Variants in CDH8 observed in about 807,000 individuals in gnomAD.
The protein encoded by CDH8 is cadherin-8.
Under a neutral mutation model 68.1 loss-of-function variants are expected in CDH8, and 17 were observed. The observed-to-expected ratio is 0.25, with a 90% CI of 0.17 to 0.37. The LOEUF is 0.37. CDH8 is among the 10% of genes least tolerant of loss of function. The pLI is 1.00. For synonymous variants in CDH8, 372 were observed against 365.1 expected, an observed-to-expected ratio of 1.02 and a Z score of -0.21; for missense variants, 763 against 999.3, an observed-to-expected ratio of 0.76 and a Z score of 3.19.
chr16:61,916,781 A>G (rs527994082), intron 2 of CDH8, among the ~76,000 whole-genome samples: 26 of 152,126 alleles, frequency 1.7e-4, no homozygotes, highest in Non-Finnish European at 3.8e-4. Flanking sequence ...TTAGTTATTT[A>G]CTTTCAATAT....
chr16:61,850,224 T>C (rs1302359095), intron 4 of CDH8, among the ~76,000 whole-genome samples: 1 of 151,988 alleles, frequency 6.6e-6, no homozygotes, highest in Non-Finnish European at 1.5e-5. Flanking sequence ...GCATGTCACA[T>C]GGCAAGACAG....
chr16:61,741,653 T>C (rs567140382), intron 8 of CDH8, among the ~76,000 whole-genome samples: 2 of 152,274 alleles, frequency 1.3e-5, no homozygotes, highest in Non-Finnish European at 2.9e-5. Context: ...TTTGTTATAA[T>C]TCAGTTGAGC....
At chr16:61,869,992 T>C (rs1963326825) in intron 3 of CDH8, among the ~76,000 whole-genome samples, 1 of 152,226 alleles carries the variant, frequency 6.6e-6, no homozygotes, top group South Asian at 2.1e-4. Flanking sequence ...CATTTTTCTT[T>C]TTAACATTTG....
At chr16:61,951,970 T>A (rs2143590655) in intron 2 of CDH8, among the ~76,000 whole-genome samples, 1 of 152,276 alleles carries the variant, frequency 6.6e-6, no homozygotes, top group East Asian at 1.9e-4. Flanking sequence ...AATAGAAAAC[T>A]TTGATGTGGA....
At chr16:61,929,819 G>A (rs1964512063) in intron 2 of CDH8, among the ~76,000 whole-genome samples, 1 of 152,142 alleles carries the variant, frequency 6.6e-6, no homozygotes, top group East Asian at 1.9e-4. Context: ...GAGCCCAGGA[G>A]TTAGAGGCTG....
At chr16:61,804,283 A>T (rs1437633550) in intron 7 of CDH8, among the ~76,000 whole-genome samples, 1 of 152,074 alleles carries the variant, frequency 6.6e-6, no homozygotes, top group South Asian at 2.1e-4. Flanking sequence ...GAACAAAGAC[A>T]CAACATACCA....
chr16:61,797,838 G>C (rs1247557160), intron 7 of CDH8, among the ~76,000 whole-genome samples: 3 of 151,974 alleles, frequency 2.0e-5, no homozygotes, highest in African/African-American at 7.2e-5. Flanking sequence ...CACTCAACAC[G>C]ATCAATGTAT....
intron 4 of CDH8, among the ~76,000 whole-genome samples, chr16:61,847,538 T>TTA (rs56946081): frequency 0.14 from 18,396 of 135,884 alleles, 1,310 homozygotes; most frequent in Non-Finnish European, 0.18. Context: ...TCCAATCATT[T>TTA]TATATATATA....
chr16:61,875,236 A>C (rs1963439126), intron 3 of CDH8, among the ~76,000 whole-genome samples: 1 of 152,132 alleles, frequency 6.6e-6, no homozygotes, highest in South Asian at 2.1e-4. Context: ...ACACCTCAGA[A>C]GGTTGTATCA....
At chr16:61,972,047 G>A (rs773335120) in intron 2 of CDH8, among the ~76,000 whole-genome samples, 23 of 152,082 alleles carry the variant, frequency 1.5e-4, no homozygotes, top group Non-Finnish European at 2.6e-4. Flanking sequence ...TAATCCCCAC[G>A]TGTCAGGGTG....
chr16:61,754,655 C>T (rs1360828574), intron 8 of CDH8, among the ~76,000 whole-genome samples: 1 of 152,036 alleles, frequency 6.6e-6, no homozygotes, highest in African/African-American at 2.4e-5. Context: ...GAAAACATTA[C>T]AATTCTTCCA....
intron 3 of CDH8, among the ~76,000 whole-genome samples, chr16:61,883,125 G>A (rs111491125): frequency 1.3e-5 from 2 of 152,162 alleles, no homozygotes; most frequent in African/African-American, 4.8e-5. Context: ...AGGCAGGTAT[G>A]GTTAAGAAAG....
chr16:61,898,851 T>C (rs928636000), intron 3 of CDH8, among the ~76,000 whole-genome samples: 19 of 152,080 alleles, frequency 1.2e-4, no homozygotes, highest in Admixed American at 1.0e-3. Flanking sequence ...ATCAGAGTCA[T>C]TGATAAAGTC....
chr16:61,918,656 G>A (rs1964296156), intron 2 of CDH8: 2 of 155,052 alleles, frequency 1.3e-5, no homozygotes, highest in African/African-American at 2.4e-5. Context: ...ACCTGGCTCG[G>A]AGGGTCCTAC....
intron 6 of CDH8, among the ~76,000 whole-genome samples, chr16:61,819,119 G>A (rs1962152073): frequency 6.6e-6 from 1 of 151,870 alleles, no homozygotes; most frequent in Admixed American, 6.6e-5. Flanking sequence ...ACATCGTTAA[G>A]TATAACAGAT....
rs1476373515 is a variant in CDH8 at position 61,775,034 on chromosome 16, T to A, written c.1414+14312A>T. Reference sequence around the variant, plus strand: ...CAAATCGCTATTTAAGATGAAATTATAAAGAATCTATAGTTAACCAATTGA... The same window carrying A: ...CAAATCGCTATTTAAGATGAAATTAAAAAGAATCTATAGTTAACCAATTGA... On this transcript the variant is annotated intron_variant, in intron 8 of 11. Transcript: ENST00000577390. 2.6e-5 allele frequency among the ~76,000 whole-genome samples: 4 copies of A among 152,100 alleles called. No individual in the cohort carries two copies. In the East Asian group the frequency reaches 7.7e-4, roughly 29 times the overall value.
intron 4 of CDH8, among the ~76,000 whole-genome samples, chr16:61,832,381 T>TAGATAGAC (rs960023883): frequency 7.2e-6 from 1 of 138,092 alleles, no homozygotes; most frequent in Non-Finnish European, 1.7e-5. Flanking sequence ...GATAGATAGA[T>TAGATAGAC]ACATAGAGAA....
chr16:61,728,779 G>A (rs1434662437), intron 8 of CDH8, among the ~76,000 whole-genome samples: 2 of 151,040 alleles, frequency 1.3e-5, no homozygotes, highest in Non-Finnish European at 3.0e-5. Context: ...AAGGAGCATA[G>A]CATTTTGTGC....
chr16:61,765,570 CA>C (rs1310086125), intron 8 of CDH8, among the ~76,000 whole-genome samples: 2 of 151,914 alleles, frequency 1.3e-5, no homozygotes, highest in Admixed American at 1.3e-4. Flanking sequence ...CAATTGTATT[CA>C]AAAATGCTCT....
Sources: allele counts gnomAD v4.1 joint callset (sites outside exome capture counted in the v4.1 genomes callset), GRCh38; gene constraint gnomAD v4.1.1; transcripts MANE v1.5; gene names NCBI Gene and HGNC (gene_info 2026-07-23, HGNC 2026-07-21).